The following HECTD2 variants were observed in gnomAD, a reference collection of about 807,000 sequenced individuals.
The protein encoded by HECTD2 is probable E3 ubiquitin-protein ligase HECTD2.
A neutral mutation model predicts 103.2 loss-of-function variants in HECTD2; 35 were observed. The observed-to-expected ratio is 0.34, with a 90% CI of 0.26 to 0.45. HECTD2 has a LOEUF of 0.45. HECTD2 is among the 20% of genes least tolerant of loss of function. The pLI is 1.00. For missense variants in HECTD2, 596 were observed against 937.4 expected (o/e 0.64, Z 4.76); for synonymous variants, 281 against 329.9 (o/e 0.85, Z 1.61).
chr10:91,468,939 C>CAAAAAA (rs375935105), intron 5 of HECTD2, among the ~76,000 whole-genome samples: 2 of 98,454 alleles, frequency 2.0e-5, no homozygotes, highest in Non-Finnish European at 4.1e-5. Flanking sequence ...CTGTCTCACT[C>CAAAAAA]AAAAAAAAAA....
At chr10:91,470,817 G>A (rs972196707) in intron 5 of HECTD2, among the ~76,000 whole-genome samples, 1 of 152,048 alleles carries the variant, frequency 6.6e-6, no homozygotes, top group African/African-American at 2.4e-5. Context: ...AAAAAGCCCA[G>A]AACCAAGTGG....
chr10:91,423,629 A>G (rs889234973), intron 1 of HECTD2, among the ~76,000 whole-genome samples: 1 of 152,150 alleles, frequency 6.6e-6, no homozygotes, highest in Admixed American at 6.6e-5. Context: ...TGAGTCTCAG[A>G]CAGTTCCACT....
intron 1 of HECTD2, 26 bp downstream of exon 1, chr10:91,410,602 G>C: frequency 8.4e-7 from 1 of 1,186,792 alleles, no homozygotes; most frequent in African/African-American, 4.2e-5. Context: ...GGGCCGTCTG[G>C]CGCCCCGGAC....
rs148821829 is a variant in HECTD2 at position 91,425,400 on chromosome 10, C to T, written c.258C>T (p.Asn86=). Residue 86 remains asparagine, a synonymous_variant, in exon 2 of 21, where the codon AAC becomes AAT. Coordinates refer to ENST00000298068, the MANE Select transcript of HECTD2 (RefSeq NM_182765.6). The part of the protein sequence containing the change: ...RSSPAHLVFP[N]IKNVREPPPI... Reference sequence around the variant, plus strand: ...CACCTGCACATCTTGTTTTCCCTAACATCAAGAATGGTAAATAATTTTTAA... The same window carrying T: ...CACCTGCACATCTTGTTTTCCCTAATATCAAGAATGGTAAATAATTTTTAA... The T allele has an allele frequency of 9.7e-6, 15 of 1,542,692 alleles. No homozygotes were observed. Among genetic ancestry groups the T allele is most frequent in the Admixed American group, 1.9e-5 (1 of 53,300 alleles).
At chr10:91,422,849 AT>A (rs1234262493) in intron 1 of HECTD2, among the ~76,000 whole-genome samples, 2 of 152,198 alleles carry the variant, frequency 1.3e-5, no homozygotes, top group Admixed American at 1.3e-4. Flanking sequence ...TGAATTCTTA[AT>A]TTTTATTGTT....
chr10:91,450,399 T>C (rs1844756463), intron 2 of HECTD2, among the ~76,000 whole-genome samples: 2 of 152,088 alleles, frequency 1.3e-5, no homozygotes, highest in South Asian at 4.1e-4. Context: ...AACTTAAATG[T>C]AAAACCTAAT....
chr10:91,492,600 T>A, intron 13 of HECTD2, 116 bp downstream of exon 13: 1 of 801,972 alleles, frequency 1.2e-6, no homozygotes. Context: ...CCATCGTAAA[T>A]GTTGAATAAT....
intron 1 of HECTD2, among the ~76,000 whole-genome samples, chr10:91,417,890 A>T (rs1247443602): frequency 6.6e-6 from 1 of 152,152 alleles, no homozygotes; most frequent in Non-Finnish European, 1.5e-5. Flanking sequence ...CAGTAATGGG[A>T]TGGCTGGGTC....
chr10:91,479,561 C>A (rs558380188), intron 6 of HECTD2, among the ~76,000 whole-genome samples: 1 of 152,214 alleles, frequency 6.6e-6, no homozygotes, highest in South Asian at 2.1e-4. Flanking sequence ...TGACTAATAA[C>A]TTAGAATAGG....
intron 5 of HECTD2, among the ~76,000 whole-genome samples, chr10:91,472,906 T>C (rs1845776723): frequency 6.6e-6 from 1 of 151,860 alleles, no homozygotes; most frequent in African/African-American, 2.4e-5. Flanking sequence ...ATTAGTAAAC[T>C]GGAAGGTAGA....
intron 20 of HECTD2, among the ~76,000 whole-genome samples, chr10:91,504,595 C>T (rs1212441017): frequency 5.3e-5 from 8 of 151,674 alleles, no homozygotes; most frequent in African/African-American, 1.5e-4. Flanking sequence ...TAAAAAGAAA[C>T]GAGCAAAGCC....
chr10:91,412,962 G>A (rs1358594331), intron 1 of HECTD2, among the ~76,000 whole-genome samples: 1 of 152,028 alleles, frequency 6.6e-6, no homozygotes, highest in Non-Finnish European at 1.5e-5. Flanking sequence ...ATTAAATAGA[G>A]CTCCTAGAGG....
chr10:91,416,448 A>G (rs1564695964), intron 1 of HECTD2, among the ~76,000 whole-genome samples: 1 of 152,310 alleles, frequency 6.6e-6, no homozygotes, highest in East Asian at 1.9e-4. Flanking sequence ...TTAGATGCAT[A>G]CTTAGTGTTA....
At chr10:91,498,301 CCT>C in intron 16 of HECTD2, 119 bp downstream of exon 16, 1 of 694,702 alleles carries the variant, frequency 1.4e-6, no homozygotes, top group Non-Finnish European at 2.5e-6. Flanking sequence ...TACATACAAT[CCT>C]CTGTCTTAAA....
intron 19 of HECTD2, 84 bp downstream of exon 19, chr10:91,500,701 T>G (rs1846866680): frequency 1.5e-6 from 1 of 675,714 alleles, no homozygotes; most frequent in Non-Finnish European, 2.6e-6. Flanking sequence ...TAACTTACAA[T>G]CTTTGAATCA....
intron 16 of HECTD2, 46 bp downstream of exon 16, chr10:91,498,228 T>A: frequency 7.8e-7 from 1 of 1,278,794 alleles, no homozygotes; most frequent in Non-Finnish European, 1.1e-6. Context: ...ATATTTCATA[T>A]ATGAACAGTG....
intron 1 of HECTD2, among the ~76,000 whole-genome samples, chr10:91,423,666 A>T (rs1018904827): frequency 6.6e-6 from 1 of 152,130 alleles, no homozygotes; most frequent in Non-Finnish European, 1.5e-5. Flanking sequence ...GAAGGAGTTA[A>T]CTAATTTCTA....
intron 5 of HECTD2, among the ~76,000 whole-genome samples, chr10:91,474,830 G>A (rs1306054988): frequency 6.6e-6 from 1 of 152,140 alleles, no homozygotes; most frequent in African/African-American, 2.4e-5. Context: ...AGTGATTAGT[G>A]GTTGCTTTTA....
In HECTD2 at chr10:91,431,896, C is replaced by T. The variant is rs191613474; in HGVS notation, c.268+6486C>T. On this transcript the variant is annotated intron_variant, in intron 2 of 20. Transcript: ENST00000298068. ...CTCTCAACTCTTCAAAGTCATTCTCCGTCCAGCTTTGTTCCATTACTGGTG... is the reference window on the plus strand; with the variant it reads ...CTCTCAACTCTTCAAAGTCATTCTCTGTCCAGCTTTGTTCCATTACTGGTG... Among the ~76,000 whole-genome samples the T allele has an allele frequency of 8.8e-4, 134 of 152,166 alleles. 1 individual carries two copies. The highest frequency in any genetic ancestry group is 4.6e-3 in the East Asian group (24 of 5,170).
Sources: gnomAD v4.1 joint callset for allele counts (sites outside exome capture counted in the v4.1 genomes callset) on GRCh38, gnomAD v4.1.1 for gene constraint, MANE v1.5 for transcripts, NCBI Gene and HGNC (gene_info 2026-07-23, HGNC 2026-07-21) for gene names.